ANKRD18A: variants seen among roughly 807,000 people sequenced by gnomAD.
ANKRD18A encodes ankyrin repeat domain 18A.
In ANKRD18A, 72 loss-of-function variants were observed where a neutral mutation model predicts 110.6. The ratio of observed to expected loss-of-function variants is 0.65; its 90% confidence interval spans 0.54 to 0.79. The LOEUF (loss-of-function observed/expected upper bound fraction) is 0.79. Ranked by LOEUF, ANKRD18A falls within the 30% of genes least tolerant of loss-of-function variation. ANKRD18A has a pLI of 0.00. For missense variants in ANKRD18A, 934 were observed against 1,163.3 expected (o/e 0.80, Z 2.87); for synonymous variants, 305 against 410.3 (o/e 0.74, Z 3.10).
intron 15 of ANKRD18A, among the ~76,000 whole-genome samples, chr9:38,573,728 A>G (rs893574116): frequency 2.6e-5 from 4 of 152,198 alleles, no homozygotes; most frequent in African/African-American, 9.6e-5. Flanking sequence ...AAAAGAAAAA[A>G]AAAAGGTTAA....
downstream of ANKRD18A, chr9:38,569,492 T>C (rs1823561436): frequency 1.0e-6 from 1 of 975,058 alleles, no homozygotes; most frequent in African/African-American, 1.8e-5. Flanking sequence ...GCTGCGTGTC[T>C]CTAACTGCTC....
intron 5 of ANKRD18A, among the ~76,000 whole-genome samples, chr9:38,609,950 AAAAAAAAGGAAG>A (rs796980687): frequency 1.3e-5 from 2 of 151,808 alleles, no homozygotes; most frequent in South Asian, 4.1e-4. Flanking sequence ...CAAAAAAAAA[AAAAAAAAGGAAG>A]AAAGAAAGAA....
rs182771789 is a variant in ANKRD18A, at chr9:38,599,723, C to T, written c.936+1408G>A. ...AGATGATCTGCCTGCCTCAGCCTCC[C>T]GAAGTGCTGGGATTACAGGTGTGAG... On this transcript the variant is annotated intron_variant, in intron 8 of 15. Transcript: ENST00000399703. Among the ~76,000 whole-genome samples the T allele has an allele frequency of 1.6e-4, 25 of 152,254 alleles. No individual in the cohort carries two copies. The East Asian group carries it at 3.7e-3, about 22-fold the overall frequency.
chr9:38,570,707 T>G (rs1381681500), downstream of ANKRD18A, among the ~76,000 whole-genome samples: 1 of 152,126 alleles, frequency 6.6e-6, no homozygotes, highest in African/African-American at 2.4e-5. Context: ...TCACAGAACC[T>G]CCCCTCCCTG....
chr9:38,583,604 G>A (rs1014101898), intron 12 of ANKRD18A, among the ~76,000 whole-genome samples: 5 of 152,080 alleles, frequency 3.3e-5, no homozygotes, highest in Non-Finnish European at 7.4e-5. Context: ...TGGCCAGGAT[G>A]CTCTCGAACT....
intron 1 of ANKRD18A, among the ~76,000 whole-genome samples, chr9:38,619,648 C>G (rs1279993321): frequency 6.6e-6 from 1 of 152,154 alleles, no homozygotes; most frequent in Non-Finnish European, 1.5e-5. Flanking sequence ...AAAACTGAGT[C>G]TTCCCATTCA....
chr9:38,584,955 G>GA (rs1025187965), intron 12 of ANKRD18A, among the ~76,000 whole-genome samples: 2 of 152,050 alleles, frequency 1.3e-5, no homozygotes, highest in Admixed American at 6.6e-5. Context: ...AGAAGAAGCT[G>GA]AAAAAAATCA....
In ANKRD18A at chr9:38,603,168, G is replaced by T; in HGVS notation, c.853C>A (p.Arg285Ser). 3.2e-6 allele frequency: 5 copies of T among 1,550,906 alleles called. No individual in the cohort carries two copies. The highest frequency in any genetic ancestry group is 4.4e-6 in the Non-Finnish European group (5 of 1,146,534). Reference protein sequence around the residue: ...KPANLKKRKERAKAEHNLKVA... With the variant: ...KPANLKKRKESAKAEHNLKVA... ...AACTCAAGTGTCTTACCTTTTGCAC[G>T]TTCTTTTCTTTTTTTCAAATTTGCA... Residue 285 changes from arginine (R) to serine (S), a missense_variant, in exon 7 of 16, where the codon CGT (arginine) becomes AGT (serine). Physicochemically the swap from Arg to Ser is moderately radical, Grantham distance 110. Coordinates refer to ENST00000399703, the MANE Select transcript of ANKRD18A (RefSeq NM_147195.4).
chr9:38,573,597 C>A (rs547642839), intron 15 of ANKRD18A, among the ~76,000 whole-genome samples: 35 of 152,132 alleles, frequency 2.3e-4, no homozygotes, highest in African/African-American at 7.2e-4. Flanking sequence ...TGCCTCTAGT[C>A]CCAGCTACTC....
chr9:38,580,485 T>TTA (rs1824111816), intron 12 of ANKRD18A, among the ~76,000 whole-genome samples: 1 of 152,188 alleles, frequency 6.6e-6, no homozygotes, highest in Non-Finnish European at 1.5e-5. Flanking sequence ...GGATACAGAA[T>TTA]TACAGTTAGA....
intron 3 of ANKRD18A, among the ~76,000 whole-genome samples, chr9:38,614,172 C>T: frequency 6.8e-6 from 1 of 147,136 alleles, no homozygotes; most frequent in Non-Finnish European, 1.5e-5. Flanking sequence ...ATATCCTGCA[C>T]TTATCTATTC....
rs1209092451 is a variant in ANKRD18A at position 38,595,791 on chromosome 9, G to A, written c.1549C>T (p.Arg517Ter). 5 of 1,550,664 alleles carry A rather than the reference G, an allele frequency of 3.2e-6. No individual in the cohort carries two copies. The African/African-American group carries it at 5.5e-5, about 17-fold the overall frequency. Residue 517 changes from arginine to a stop codon, truncating the protein, a stop_gained, in exon 9 of 16, where the codon CGA becomes TGA. Transcript: ENST00000399703. LOFTEE classifies it high-confidence loss of function. ...TGCATCTGCTTCATTTCCTTTATTC[G>A]ATGCTGTGCTTGCCTTAGGTCCAGC... ...VQLDLRQAQH[R>*]IKEMKQMHPN...
Position 38,595,832 on chromosome 9 carries a change from G to T in ANKRD18A, c.1508C>A (p.Ala503Asp). The change falls in exon 9 of 16, where the codon GCT (alanine) becomes GAT (aspartate). Residue 503 changes from alanine (A) to aspartate (D), a missense_variant. Around this residue, in one of 4 missense-constraint regions of ANKRD18A, gnomAD observed 630 missense variants for 797.5 expected, o/e 0.79. Coordinates refer to ENST00000399703, the MANE Select transcript of ANKRD18A (RefSeq NM_147195.4). ...TRDALREKTL[A>D]LGSVQLDLRQ... ...TAGGTCCAGCTGTACACTTCCTAAA[G>T]CCAATGTCTTTTCCCTGAGAGCATC... 6.4e-7 allele frequency: 1 copy of T among 1,551,130 alleles called. No individual in the cohort carries two copies. The highest frequency in any genetic ancestry group is 8.7e-7 in the Non-Finnish European group (1 of 1,146,654).
At chr9:38,598,952 A>C (rs612148) in intron 8 of ANKRD18A, among the ~76,000 whole-genome samples, 1 of 152,242 alleles carries the variant, frequency 6.6e-6, no homozygotes, top group Admixed American at 6.5e-5. Context: ...CCAATGTCTA[A>C]TGACTAATTT....
At chr9:38,599,691 T>C (rs1825040709) in intron 8 of ANKRD18A, among the ~76,000 whole-genome samples, 1 of 152,060 alleles carries the variant, frequency 6.6e-6, no homozygotes, top group Admixed American at 6.5e-5. Flanking sequence ...CTCGAACTCC[T>C]GACCTCAGAT....
In ANKRD18A at chr9:38,620,207, C is replaced by G; in HGVS notation, c.79G>C (p.Gly27Arg). 6.4e-7 allele frequency: 1 copy of G among 1,552,822 alleles called. No individual in the cohort carries two copies. The highest frequency in any genetic ancestry group is 8.7e-7 in the Non-Finnish European group (1 of 1,147,598). The stretch of plus-strand genomic sequence containing the variant: ...AGTTCCCAGTCCCGAATGTCGTAAC[C>G]CGGACCCGCATACTCTTGGTCCATG... The part of the protein sequence containing the change: ...SSMDQEYAGP[G>R]YDIRDWELRK... The change falls in exon 1 of 16, where the codon GGT (glycine) becomes CGT (arginine). Residue 27 changes from glycine to arginine, a missense_variant. Transcript: ENST00000399703.
chr9:38,576,850 C>CAA (rs201777416), intron 14 of ANKRD18A, among the ~76,000 whole-genome samples: 5 of 151,446 alleles, frequency 3.3e-5, no homozygotes, highest in Admixed American at 2.6e-4. Context: ...CACACAAAAA[C>CAA]AAAAAAAGAG....
downstream of ANKRD18A, chr9:38,566,582 T>C (rs979523392): frequency 6.6e-6 from 1 of 152,206 alleles, no homozygotes; most frequent in Admixed American, 6.5e-5. Flanking sequence ...CCAAAGCTGC[T>C]TCCACATTTT....
Position 38,615,555 on chromosome 9 carries a change from A to G in ANKRD18A, c.495+39T>C, listed in dbSNP as rs143387743. The G allele has an allele frequency of 2.9e-3, 4,403 of 1,524,162 alleles. 121 individuals carry two copies. In the African/African-American group the frequency reaches 0.054, roughly 19 times the overall value. 94.4% of individuals were successfully genotyped at this position (1,524,162 alleles called of 1,614,324 possible). A position where few individuals can be genotyped will look rare whatever the true frequency, so the allele number is the denominator to read the frequency against. ...ATTGACTCTTAACTATGTCAATATT[A>G]AAACAAACATTTTGAAAAGAAAGTT... On this transcript the variant is annotated intron_variant, in intron 3 of 15. Transcript: ENST00000399703.
Sources: gnomAD v4.1 joint callset for allele counts (sites outside exome capture counted in the v4.1 genomes callset) on GRCh38, gnomAD v4.1.1 for gene constraint, gnomAD v4.1.1 regional missense constraint, MANE v1.5 for transcripts, NCBI Gene and HGNC (gene_info 2026-07-23, HGNC 2026-07-21) for gene names.